DLG1: variants seen among roughly 807,000 people sequenced by gnomAD.
DLG1 encodes the protein discs large MAGUK scaffold protein 1.
Under a neutral mutation model 123.4 loss-of-function variants are expected in DLG1, and 42 were observed. The ratio of observed to expected loss-of-function variants is 0.34; its 90% CI spans 0.27 to 0.44. DLG1 has a LOEUF of 0.44. DLG1 is among the 20% of genes least tolerant of loss of function. The probability of loss-of-function intolerance (pLI) is 1.00; values close to 1 mark genes in which losing one functional copy is unlikely to be tolerated. For missense variants in DLG1, 942 were observed against 1,082.6 expected (o/e 0.87, Z 1.82); for synonymous variants, 317 against 356.2 (o/e 0.89, Z 1.24).
At position 197,255,941 on chromosome 3, in the gene DLG1, AAAT is replaced by A. The variant is rs1319584428; in HGVS notation, c.318+26735_318+26737del. On this transcript the variant is annotated intron_variant, in intron 4 of 24. Transcript: ENST00000667157. ...TAGATTTGTGCAGTTCACACAGAAA[AAAT>A]AATGATGATGATGAAAATAACCAGG... 2.6e-5 allele frequency among the ~76,000 whole-genome samples: 4 copies of A among 152,170 alleles called. 1 individual carries two copies. The South Asian group carries it at 6.2e-4, about 24-fold the overall frequency.
chr3:197,059,813 G>T, intron 23 of DLG1, 76 bp downstream of exon 23: 1 of 901,614 alleles, frequency 1.1e-6, no homozygotes, highest in Non-Finnish European at 1.8e-6. Context: ...AAACTGAGAT[G>T]CAGGGAGAGT....
chr3:197,181,976 C>A (rs376487215), intron 5 of DLG1, among the ~76,000 whole-genome samples: 2 of 152,144 alleles, frequency 1.3e-5, no homozygotes, highest in African/African-American at 4.8e-5. Context: ...TACTCCCAAG[C>A]GGCTATAACG....
chr3:197,255,814 T>TC (rs1756596192), intron 4 of DLG1, among the ~76,000 whole-genome samples: 2 of 151,944 alleles, frequency 1.3e-5, no homozygotes, highest in South Asian at 4.1e-4. Flanking sequence ...GGGTGGGCTG[T>TC]CTTGGAAAGA....
In DLG1 at chr3:197,298,567, C is replaced by G. The variant is rs543718635; in HGVS notation, c.-63G>C. On this transcript the variant is annotated 5_prime_UTR_variant, in exon 1 of 25. Transcript: ENST00000667157. ...ACCCCTCAACCTCACTCAGCAGTGCCGTTTCCAACTCCGCGGCAGAGACAG... is the reference window on the plus strand; with the variant it reads ...ACCCCTCAACCTCACTCAGCAGTGCGGTTTCCAACTCCGCGGCAGAGACAG... The G allele has an allele frequency of 2.5e-6, 1 of 398,258 alleles. No homozygotes were observed. Among genetic ancestry groups the G allele is most frequent in the African/African-American group, 2.1e-5 (1 of 48,576 alleles). The allele number at this position is 398,258 out of a possible 1,614,324, so 24.7% of individuals were successfully genotyped here. A position where few individuals can be genotyped will look rare whatever the true frequency, so the allele number is the denominator to read the frequency against.
intron 24 of DLG1, among the ~76,000 whole-genome samples, chr3:197,050,147 C>T (rs986979946): frequency 1.3e-5 from 2 of 152,216 alleles, no homozygotes; most frequent in South Asian, 4.1e-4. Context: ...TCGGGTGGAT[C>T]ACGAGGTCAG....
chr3:197,098,454 G>A (rs1426885062), intron 14 of DLG1, among the ~76,000 whole-genome samples: 1 of 152,160 alleles, frequency 6.6e-6, no homozygotes, highest in South Asian at 2.1e-4. Flanking sequence ...AGATACTGAA[G>A]AGCTAAGTCA....
intron 4 of DLG1, among the ~76,000 whole-genome samples, chr3:197,196,619 T>C (rs1561394456): frequency 6.6e-6 from 1 of 152,222 alleles, no homozygotes; most frequent in Non-Finnish European, 1.5e-5. Context: ...CAGTTTGGAA[T>C]TTTAAAAAAC....
chr3:197,298,238 C>T (rs2273571), intron 1 of DLG1: 93,365 of 338,608 alleles, frequency 0.28, 15,872 homozygotes, highest in East Asian at 0.67. Flanking sequence ...CTGCTACCTT[C>T]GGGTTGGAAG....
chr3:197,103,557 T>C (rs1367137327), intron 14 of DLG1, among the ~76,000 whole-genome samples: 1 of 151,868 alleles, frequency 6.6e-6, no homozygotes, highest in African/African-American at 2.4e-5. Context: ...CTTCATACGT[T>C]AGTCTCTATT....
chr3:197,207,094 A>C (rs1728926121), intron 4 of DLG1, among the ~76,000 whole-genome samples: 1 of 152,150 alleles, frequency 6.6e-6, no homozygotes, highest in South Asian at 2.1e-4. Flanking sequence ...GCGGTGGCGG[A>C]GCTGGGAAGC....
At chr3:197,185,907 C>T (rs1244765397) in intron 5 of DLG1, among the ~76,000 whole-genome samples, 2 of 152,124 alleles carry the variant, frequency 1.3e-5, no homozygotes, top group Non-Finnish European at 2.9e-5. Context: ...ACTTAGGGGT[C>T]AATGGTAGGC....
intron 9 of DLG1, 87 bp downstream of exon 9, chr3:197,138,135 T>C: frequency 1.3e-6 from 1 of 744,238 alleles, no homozygotes; most frequent in South Asian, 4.7e-5. Flanking sequence ...AATACTGTAC[T>C]TGGAATGTAT....
chr3:197,200,089 T>C (rs1189964033), intron 4 of DLG1, among the ~76,000 whole-genome samples: 1 of 152,164 alleles, frequency 6.6e-6, no homozygotes, highest in Non-Finnish European at 1.5e-5. Context: ...TACTACTTCA[T>C]TCCTGTTAGA....
chr3:197,145,993 CAAATAAAT>C (rs376255058), intron 6 of DLG1, among the ~76,000 whole-genome samples: 1,729 of 149,844 alleles, frequency 0.012, 24 homozygotes, highest in East Asian at 0.047. Context: ...GACACTGTCT[CAAATAAAT>C]AAATAAATAA....
chr3:197,227,154 T>C (rs912192606), intron 4 of DLG1, among the ~76,000 whole-genome samples: 1 of 152,216 alleles, frequency 6.6e-6, no homozygotes, highest in African/African-American at 2.4e-5. Context: ...GTACTACATC[T>C]ATATTGCAGT....
At chr3:197,178,883 T>C (rs531617279) in intron 5 of DLG1, among the ~76,000 whole-genome samples, 1 of 152,220 alleles carries the variant, frequency 6.6e-6, no homozygotes, top group Admixed American at 6.5e-5. Flanking sequence ...AAAGATATTA[T>C]AGCAGGTGTA....
chr3:197,148,808 T>C (rs1305696522), intron 6 of DLG1, among the ~76,000 whole-genome samples: 1 of 152,094 alleles, frequency 6.6e-6, no homozygotes, highest in Non-Finnish European at 1.5e-5. Flanking sequence ...AAAGAAAAAA[T>C]ATAAAAATAA....
intron 5 of DLG1, among the ~76,000 whole-genome samples, chr3:197,160,304 A>G (rs113858551): frequency 9.9e-5 from 15 of 152,192 alleles, no homozygotes; most frequent in African/African-American, 3.6e-4. Context: ...AGGATTCCAG[A>G]AAACTATTTT....
chr3:197,293,380 A>G (rs2151268384), intron 3 of DLG1, among the ~76,000 whole-genome samples: 1 of 152,376 alleles, frequency 6.6e-6, no homozygotes, highest in Non-Finnish European at 1.5e-5. Context: ...CCAAGTATCT[A>G]TCAGCACTAG....
Sources: allele counts gnomAD v4.1 joint callset (sites outside exome capture counted in the v4.1 genomes callset), GRCh38; gene constraint gnomAD v4.1.1; transcripts MANE v1.5; gene names NCBI Gene and HGNC (gene_info 2026-07-23, HGNC 2026-07-21).